Variants in NTRK3 observed in about 807,000 individuals in gnomAD.
NTRK3 encodes NT-3 growth factor receptor.
Under a neutral mutation model 91.7 loss-of-function variants are expected in NTRK3, and 24 were observed. The observed-to-expected ratio is 0.26, with a 90% CI of 0.19 to 0.37. NTRK3 has a LOEUF of 0.37. NTRK3 is among the 10% of genes least tolerant of loss of function. NTRK3 has a pLI of 1.00. For synonymous variants in NTRK3, 483 were observed against 404.0 expected (o/e 1.20, Z -2.34); for missense variants, 880 against 1,068.9 (o/e 0.82, Z 2.46).
intron 17 of NTRK3, among the ~76,000 whole-genome samples, chr15:87,888,014 G>T (rs1431015285): frequency 3.3e-5 from 5 of 152,180 alleles, no homozygotes; most frequent in Non-Finnish European, 5.9e-5. Context: ...TAAGGCACAG[G>T]AAATATTCCA....
chr15:88,229,018 A>T (rs1354166109), intron 3 of NTRK3, among the ~76,000 whole-genome samples: 1 of 152,278 alleles, frequency 6.6e-6, no homozygotes, highest in South Asian at 2.1e-4. Flanking sequence ...TCACCAGGAC[A>T]TATTGGCTGC....
intron 13 of NTRK3, among the ~76,000 whole-genome samples, chr15:88,105,264 G>A (rs2050580468): frequency 6.6e-6 from 1 of 152,184 alleles, no homozygotes; most frequent in Non-Finnish European, 1.5e-5. Flanking sequence ...AGGTGCTGGA[G>A]AGTATTGGCC....
chr15:88,101,496 A>G (rs2050168677), intron 13 of NTRK3, among the ~76,000 whole-genome samples: 1 of 152,232 alleles, frequency 6.6e-6, no homozygotes, highest in South Asian at 2.1e-4. Context: ...ATACCATTTG[A>G]CCCAGCCATC....
intron 14 of NTRK3, among the ~76,000 whole-genome samples, chr15:87,949,443 G>A: frequency 6.6e-6 from 1 of 151,982 alleles, no homozygotes; most frequent in East Asian, 1.9e-4. Context: ...TAGCAGTCTA[G>A]GACACCGAGA....
chr15:87,924,426 C>T (rs760688414), intron 17 of NTRK3, among the ~76,000 whole-genome samples: 1 of 152,134 alleles, frequency 6.6e-6, no homozygotes, highest in Non-Finnish European at 1.5e-5. Context: ...CAGTGCCTTA[C>T]TACCTGCTGC....
At chr15:88,025,047 CCACA>C (rs147158442) in intron 14 of NTRK3, among the ~76,000 whole-genome samples, 8 of 150,900 alleles carry the variant, frequency 5.3e-5, no homozygotes, top group Non-Finnish European at 7.4e-5. Flanking sequence ...ACGTGTGTGG[CCACA>C]CACACACACA....
intron 13 of NTRK3, among the ~76,000 whole-genome samples, chr15:88,070,456 T>G (rs1393550645): frequency 2.0e-5 from 3 of 151,986 alleles, no homozygotes; most frequent in Non-Finnish European, 2.9e-5. Context: ...CAGGTCTGGA[T>G]GTGGTGAAAG....
chr15:87,923,864 G>C (rs1488380676), intron 17 of NTRK3, among the ~76,000 whole-genome samples: 1 of 152,046 alleles, frequency 6.6e-6, no homozygotes. Context: ...AAGCAAGTTT[G>C]GCCCATTCTT....
chr15:87,975,254 G>C (rs1291594476), intron 14 of NTRK3, among the ~76,000 whole-genome samples: 2 of 152,106 alleles, frequency 1.3e-5, no homozygotes, highest in African/African-American at 4.8e-5. Flanking sequence ...GAATGTGTTA[G>C]ATCGAATTTC....
In NTRK3 at chr15:88,214,811, C is replaced by T. The variant is rs922699953; in HGVS notation, c.249-30512G>A. ...TGAATTTACCATTTTGTCCCATAAC[C>T]GGCTGGGCACACATCTGCCCCTCCA... is the stretch of plus-strand genomic sequence containing the variant. On this transcript the variant is annotated intron_variant, in intron 3 of 18. Coordinates refer to ENST00000394480, the Ensembl canonical transcript of NTRK3. Among the ~76,000 whole-genome samples the T allele has an allele frequency of 3.3e-5, 5 of 152,320 alleles. No individual in the cohort carries two copies. In the South Asian group the frequency reaches 6.2e-4, roughly 19 times the overall value.
intron 13 of NTRK3, among the ~76,000 whole-genome samples, chr15:88,092,301 T>C (rs559549583): frequency 1.3e-5 from 2 of 152,182 alleles, no homozygotes; most frequent in African/African-American, 2.4e-5. Flanking sequence ...ACTTATATCA[T>C]CATCAAGGCT....
intron 3 of NTRK3, among the ~76,000 whole-genome samples, chr15:88,196,257 C>G (rs1222720951): frequency 4.6e-5 from 7 of 152,188 alleles, no homozygotes; most frequent in Admixed American, 3.3e-4. Context: ...TATCCCAGAA[C>G]CTGAGGGTGT....
chr15:88,209,224 C>G (rs1234236786), intron 3 of NTRK3, among the ~76,000 whole-genome samples: 1 of 152,196 alleles, frequency 6.6e-6, no homozygotes, highest in African/African-American at 2.4e-5. Flanking sequence ...ACAAGAGAAG[C>G]AGCTGCCCCA....
intron 16 of NTRK3, chr15:87,931,017 GC>G: frequency 9.1e-6 from 3 of 329,060 alleles, no homozygotes; most frequent in Non-Finnish European, 1.8e-5. Flanking sequence ...CACTGGCACT[GC>G]CCCTCACCTT....
intron 13 of NTRK3, among the ~76,000 whole-genome samples, chr15:88,093,174 T>C (rs971893594): frequency 2.0e-5 from 3 of 151,872 alleles, no homozygotes; most frequent in Non-Finnish European, 2.9e-5. Flanking sequence ...TTTTTTTCCC[T>C]TAATAAGGAA....
At chr15:88,024,271 C>T (rs1176324323) in intron 14 of NTRK3, among the ~76,000 whole-genome samples, 1 of 152,122 alleles carries the variant, frequency 6.6e-6, no homozygotes, top group East Asian at 1.9e-4. Flanking sequence ...ATGTTCTTTG[C>T]CTTGTGGGCT....
intron 14 of NTRK3, among the ~76,000 whole-genome samples, chr15:87,972,687 G>C (rs1325963590): frequency 1.3e-5 from 2 of 152,276 alleles, no homozygotes; most frequent in East Asian, 3.9e-4. Flanking sequence ...AAAATACCAT[G>C]ATCCTGAGAA....
chr15:88,091,432 G>A (rs1403776459), intron 13 of NTRK3, among the ~76,000 whole-genome samples: 2 of 152,244 alleles, frequency 1.3e-5, no homozygotes, highest in South Asian at 2.1e-4. Flanking sequence ...TTCACTTATC[G>A]TTTCCTCTGC....
chr15:88,048,780 A>G (rs2080500299), intron 13 of NTRK3, among the ~76,000 whole-genome samples: 1 of 152,260 alleles, frequency 6.6e-6, no homozygotes, highest in Non-Finnish European at 1.5e-5. Context: ...TGTAAAAGTC[A>G]AACCATCTTA....
Sources: allele counts gnomAD v4.1 joint callset (sites outside exome capture counted in the v4.1 genomes callset), GRCh38; gene constraint gnomAD v4.1.1; transcripts MANE v1.5; gene names NCBI Gene and HGNC (gene_info 2026-07-23, HGNC 2026-07-21).